SH3D19: variants seen among roughly 807,000 people sequenced by gnomAD.
SH3D19 encodes SH3 domain-containing protein 19.
Under a neutral mutation model 112.1 loss-of-function variants are expected in SH3D19, and 58 were observed. That is an observed-to-expected ratio of 0.52 (90% CI 0.42 to 0.64). The LOEUF (loss-of-function observed/expected upper bound fraction) is 0.64, where lower values mean the gene tolerates loss of function less well. Ranked by LOEUF, SH3D19 falls within the 30% of genes least tolerant of loss-of-function variation. SH3D19 has a pLI of 0.00. For synonymous variants in SH3D19, 391 were observed against 448.5 expected, an observed-to-expected ratio of 0.87 and a Z score of 1.62; for missense variants, 1,090 against 1,263.4, an observed-to-expected ratio of 0.86 and a Z score of 2.08.
At chr4:151,191,182 C>T (rs6823315) in intron 2 of SH3D19, among the ~76,000 whole-genome samples, 5,838 of 152,268 alleles carry the variant, frequency 0.038, 327 homozygotes, top group African/African-American at 0.13. Context: ...AATGCCTGTA[C>T]GCCCATTGTA....
At chr4:151,219,614 C>G (rs944838695) in intron 2 of SH3D19, among the ~76,000 whole-genome samples, 2 of 152,158 alleles carry the variant, frequency 1.3e-5, no homozygotes, top group African/African-American at 4.8e-5. Flanking sequence ...GGTGAAGAAT[C>G]TTTTCATATA....
chr4:151,182,093 A>T (rs923147382), intron 3 of SH3D19, among the ~76,000 whole-genome samples: 1 of 151,734 alleles, frequency 6.6e-6, no homozygotes, highest in African/African-American at 2.4e-5. Context: ...GGCTCAAGCG[A>T]TCTTCCTGCC....
intron 1 of SH3D19, among the ~76,000 whole-genome samples, chr4:151,232,533 T>C (rs986455672): frequency 3.3e-5 from 5 of 152,216 alleles, no homozygotes; most frequent in Non-Finnish European, 7.3e-5. Flanking sequence ...CAAATGATAC[T>C]GCATCATAGT....
intron 9 of SH3D19, among the ~76,000 whole-genome samples, chr4:151,158,249 T>C (rs1440479098): frequency 6.6e-6 from 1 of 152,262 alleles, no homozygotes; most frequent in Non-Finnish European, 1.5e-5. Flanking sequence ...ATCAGGAGCT[T>C]TGTCATGGGC....
At chr4:151,196,785 C>T (rs1054409358) in intron 2 of SH3D19, among the ~76,000 whole-genome samples, 8 of 152,020 alleles carry the variant, frequency 5.3e-5, no homozygotes, top group African/African-American at 1.9e-4. Context: ...GGAACTCAAA[C>T]AAGTCAGCAA....
At chr4:151,251,168 A>C in intron 1 of SH3D19, among the ~76,000 whole-genome samples, 1 of 137,928 alleles carries the variant, frequency 7.3e-6, no homozygotes, top group Non-Finnish European at 1.6e-5. Context: ...CACCTTGCCA[A>C]CCCATTTGTT....
At position 151,174,623 on chromosome 4, in the gene SH3D19, C is replaced by G. The variant is rs769271763; in HGVS notation, c.1534+47G>C. On this transcript the variant is annotated intron_variant, in intron 7 of 19. Coordinates refer to ENST00000604030, the MANE Select transcript of SH3D19 (RefSeq NM_001378122.1). ...AAAACAGCAAGTGCCATTTAAAATA[C>G]CCTATCATGAGTTTAGATTCCCCTC... The G allele has an allele frequency of 4.1e-6, 6 of 1,475,296 alleles. No homozygotes were observed. The Admixed American group carries it at 9.9e-5, about 24-fold the overall frequency. The allele number at this position is 1,475,296 out of a possible 1,614,324, so 91.4% of individuals were successfully genotyped here. A position where few individuals can be genotyped will look rare whatever the true frequency, so the allele number is the denominator to read the frequency against.
intron 1 of SH3D19, among the ~76,000 whole-genome samples, chr4:151,284,115 A>G (rs1300184975): frequency 1.3e-5 from 2 of 152,138 alleles, no homozygotes; most frequent in East Asian, 1.9e-4. Flanking sequence ...ATTCTTTAAC[A>G]TATTTCACCA....
chr4:151,297,545 C>T (rs2126310472), intron 1 of SH3D19, among the ~76,000 whole-genome samples: 1 of 152,192 alleles, frequency 6.6e-6, no homozygotes, highest in Non-Finnish European at 1.5e-5. Flanking sequence ...AGCAAGATAA[C>T]ATATTGTTTG....
At chr4:151,210,171 C>T (rs925411859) in intron 2 of SH3D19, among the ~76,000 whole-genome samples, 7 of 152,042 alleles carry the variant, frequency 4.6e-5, no homozygotes, top group African/African-American at 1.7e-4. Flanking sequence ...TCCATTAATT[C>T]TACTGCTAAG....
At chr4:151,315,600 T>TGG (rs1729904056) in intron 1 of SH3D19, among the ~76,000 whole-genome samples, 1 of 152,088 alleles carries the variant, frequency 6.6e-6, no homozygotes, top group Non-Finnish European at 1.5e-5. Flanking sequence ...CTCCAACAGG[T>TGG]GGGGCCTAGA....
intron 4 of SH3D19, among the ~76,000 whole-genome samples, chr4:151,178,013 C>T (rs145079655): frequency 1.8e-4 from 27 of 152,292 alleles, no homozygotes; most frequent in African/African-American, 5.3e-4. Context: ...ACTGCAGCCT[C>T]GAGCTCCCCG....
At chr4:151,180,628 G>T (rs902035274) in intron 3 of SH3D19, among the ~76,000 whole-genome samples, 2 of 151,428 alleles carry the variant, frequency 1.3e-5, no homozygotes, top group East Asian at 2.0e-4. Flanking sequence ...GGATGGTCTC[G>T]ATCTCCCGAC....
At chr4:151,221,401 G>A (rs1234023929) in intron 2 of SH3D19, among the ~76,000 whole-genome samples, 1 of 152,178 alleles carries the variant, frequency 6.6e-6, no homozygotes, top group Non-Finnish European at 1.5e-5. Context: ...CTGGCCTGGC[G>A]GGGTAGCCCT....
chr4:151,296,723 T>C (rs984595647), intron 1 of SH3D19, among the ~76,000 whole-genome samples: 1 of 152,178 alleles, frequency 6.6e-6, no homozygotes, highest in Non-Finnish European at 1.5e-5. Context: ...ATTTCACACA[T>C]CTTGAGAAAT....
chr4:151,290,187 C>T (rs1486552399), intron 1 of SH3D19, among the ~76,000 whole-genome samples: 1 of 152,196 alleles, frequency 6.6e-6, no homozygotes, highest in Non-Finnish European at 1.5e-5. Flanking sequence ...TGGCCTGATC[C>T]TCCTGCCTTG....
intron 14 of SH3D19, 95 bp downstream of exon 14, chr4:151,137,637 C>T (rs1752135004): frequency 1.0e-6 from 1 of 995,336 alleles, no homozygotes; most frequent in Non-Finnish European, 1.4e-6. Flanking sequence ...TGAAAGAGAA[C>T]TAGAATCTGG....
At chr4:151,206,025 C>A (rs1441269718) in intron 2 of SH3D19, among the ~76,000 whole-genome samples, 2 of 152,236 alleles carry the variant, frequency 1.3e-5, no homozygotes, top group Non-Finnish European at 2.9e-5. Flanking sequence ...CACACACACA[C>A]AAAACACATT....
At chr4:151,149,757 T>A (rs1754585526) in intron 9 of SH3D19, among the ~76,000 whole-genome samples, 196 bp from the exon 10 acceptor site, 1 of 152,104 alleles carries the variant, frequency 6.6e-6, no homozygotes, top group Admixed American at 6.5e-5. Context: ...TAATAACAAG[T>A]GAAAACACTG....
Sources: allele counts gnomAD v4.1 joint callset (sites outside exome capture counted in the v4.1 genomes callset), GRCh38; gene constraint gnomAD v4.1.1; transcripts MANE v1.5; gene names NCBI Gene and HGNC (gene_info 2026-07-23, HGNC 2026-07-21).